The following UBXN6 variants were observed in gnomAD, a reference collection of about 807,000 sequenced individuals.
UBXN6 encodes UBX domain protein 6, also known as UBX domain-containing protein 6.
A neutral mutation model predicts 51.4 loss-of-function variants in UBXN6; 44 were observed. The ratio of observed to expected loss-of-function variants is 0.86; its 90% CI spans 0.67 to 1.10. The LOEUF is 1.10. Among genes scored for constraint, UBXN6 ranks in the 50% least tolerant of loss-of-function variants. UBXN6 has a pLI of 0.00. For missense variants in UBXN6, 672 were observed against 596.1 expected (o/e 1.13, Z -1.32); for synonymous variants, 316 against 263.2 (o/e 1.20, Z -1.94).
chr19:4,453,293 G>T (rs1230099842), intron 3 of UBXN6, among the ~76,000 whole-genome samples, 165 bp downstream of exon 3: 2 of 152,190 alleles, frequency 1.3e-5, no homozygotes, highest in African/African-American at 4.8e-5. Context: ...GAGCCCCGAA[G>T]GTCCCAGACA....
At chr19:4,457,822 A>ATTT, upstream of UBXN6, 1 of 501,584 alleles carries the variant, frequency 2.0e-6, no homozygotes, top group Non-Finnish European at 2.9e-6. Flanking sequence ...AAAAAAAAAA[A>ATTT]ATTTACCTCG....
At chr19:4,447,779 C>A in intron 5 of UBXN6, 154 bp from the exon 6 acceptor site, 1 of 724,642 alleles carries the variant, frequency 1.4e-6, no homozygotes. Flanking sequence ...AGACCATCTC[C>A]GGGTGGAAGG....
In UBXN6 at chr19:4,446,495, C is replaced by T; in HGVS notation, c.920+5G>A. On this transcript the variant is annotated splice_donor_5th_base_variant and intron_variant, in intron 8 of 10. Transcript: ENST00000301281. ...CCCACTCTGCTCCGCGGACGTCAGG[C>T]CCACCTGAGCCTCTGCTCCCGCTTG... The T allele has an allele frequency of 6.2e-7, 1 of 1,604,170 alleles. No individual in the cohort carries two copies. The highest frequency in any genetic ancestry group is 8.5e-7 in the Non-Finnish European group (1 of 1,177,204).
At chr19:4,457,150 G>A (rs1380064057) in intron 1 of UBXN6, among the ~76,000 whole-genome samples, 1 of 151,910 alleles carries the variant, frequency 6.6e-6, no homozygotes, top group Non-Finnish European at 1.5e-5. Flanking sequence ...AATCATCCCG[G>A]CCTCTTCGGC....
intron 10 of UBXN6, 165 bp from the exon 11 acceptor site, chr19:4,445,788 C>T: frequency 8.2e-7 from 1 of 1,219,052 alleles, no homozygotes; most frequent in Admixed American, 2.7e-5. Flanking sequence ...CTCCGGGACT[C>T]CAGGACCTAA....
At chr19:4,456,432 C>G (rs1451341939) in intron 1 of UBXN6, among the ~76,000 whole-genome samples, 1 of 151,746 alleles carries the variant, frequency 6.6e-6, no homozygotes, top group Non-Finnish European at 1.5e-5. Context: ...CCAGCCCCCA[C>G]TCCCTCACAA....
chr19:4,449,847 C>G (rs973336960), intron 4 of UBXN6: 3 of 152,074 alleles, frequency 2.0e-5, no homozygotes, highest in Admixed American at 1.3e-4. Flanking sequence ...TACATCAGCT[C>G]CATCCCACCA....
In UBXN6 at chr19:4,448,333, AC is replaced by A; in HGVS notation, c.523del (p.Val175TrpfsTer68). 2 of 1,608,300 alleles carry A rather than the reference AC, an allele frequency of 1.2e-6. No individual in the cohort carries two copies. The highest frequency in any genetic ancestry group is 1.7e-6 in the Non-Finnish European group (2 of 1,177,964). On this transcript the variant is annotated frameshift_variant, in exon 5 of 11. Coordinates refer to ENST00000301281, the MANE Select transcript of UBXN6 (RefSeq NM_025241.3). LOFTEE classifies it high-confidence loss of function. ...NKDQDRVKLG[V>X]DTIAKYLDNI... ...ACACGCTCACTTGGCAATGGTGTCCACACCCAGCTTCACCCGGTCCTGGTCT... is the reference window on the plus strand; with the variant it reads ...ACACGCTCACTTGGCAATGGTGTCCAACCCAGCTTCACCCGGTCCTGGTCT...
chr19:4,447,112 C>G (rs1974549683), intron 6 of UBXN6, 192 bp from the exon 7 acceptor site: 2 of 612,332 alleles, frequency 3.3e-6, no homozygotes, highest in Non-Finnish European at 5.8e-6. Flanking sequence ...GAGTCTCCAA[C>G]AGCTCTGCAC....
At chr19:4,452,656 ATCCCCGAGTCTTT>A (rs1249069866) in intron 3 of UBXN6, among the ~76,000 whole-genome samples, 164 bp from the exon 4 acceptor site, 1 of 152,176 alleles carries the variant, frequency 6.6e-6, no homozygotes, top group South Asian at 2.1e-4. Context: ...AAGTGACCGG[ATCCCCGAGTCTTT>A]TCCCTGGTAT....
In UBXN6 at chr19:4,446,203, G is replaced by C. The variant is rs749832706; in HGVS notation, c.1052-6C>G. 6.3e-7 allele frequency: 1 copy of C among 1,597,834 alleles called. No homozygotes were observed. The highest frequency in any genetic ancestry group is 8.5e-7 in the Non-Finnish European group (1 of 1,175,372). On this transcript the variant is annotated splice_polypyrimidine_tract_variant and splice_region_variant and intron_variant, in intron 9 of 10. Transcript: ENST00000301281. ...CTCCCGAGCGTAGAAAGTGCCTGGG[G>C]AGTGGGGGAGTCAGAGCGGGTGGGG...
chr19:4,447,959 C>T, intron 5 of UBXN6: 2 of 497,940 alleles, frequency 4.0e-6, no homozygotes, highest in East Asian at 3.6e-5. Context: ...CAGCAGGGGG[C>T]TCCTGCGGGG....
chr19:4,452,124 G>A (rs976778939), intron 4 of UBXN6, among the ~76,000 whole-genome samples: 5 of 151,388 alleles, frequency 3.3e-5, no homozygotes, highest in Admixed American at 1.3e-4. Flanking sequence ...ACTCCAGCCT[G>A]GGTGTCAGAG....
At chr19:4,454,238 C>A in intron 1 of UBXN6, 145 bp from the exon 2 acceptor site, 1 of 858,380 alleles carries the variant, frequency 1.2e-6, no homozygotes, top group South Asian at 1.8e-5. Context: ...CACCTGGTTC[C>A]CAGGGGCCAC....
Position 4,454,129 on chromosome 19 carries a change from C to G in UBXN6, c.84-36G>C. On this transcript the variant is annotated intron_variant, in intron 1 of 10. Coordinates refer to ENST00000301281, the MANE Select transcript of UBXN6 (RefSeq NM_025241.3). ...ACCGAGGGAGAGTGAGTGTATCCTC[C>G]CGAGGTGGCCGGCAAAGCTGACGTG... 3 of 1,489,748 alleles carry G rather than the reference C, an allele frequency of 2.0e-6. No homozygotes were observed. In the African/African-American group the frequency reaches 4.3e-5, roughly 21 times the overall value. 92.3% of individuals were successfully genotyped at this position (1,489,748 alleles called of 1,614,324 possible).
At position 4,454,131 on chromosome 19, in the gene UBXN6, G is replaced by A. The variant is rs369227829; in HGVS notation, c.84-38C>T. On this transcript the variant is annotated intron_variant, in intron 1 of 10. Transcript: ENST00000301281. ...CGAGGGAGAGTGAGTGTATCCTCCC[G>A]AGGTGGCCGGCAAAGCTGACGTGCA... 70 of 1,488,610 alleles carry A rather than the reference G, an allele frequency of 4.7e-5. No individual in the cohort carries two copies. In the South Asian group the frequency reaches 6.1e-4, roughly 13 times the overall value. The allele number at this position is 1,488,610 out of a possible 1,614,324, so 92.2% of individuals were successfully genotyped here.
chr19:4,457,802 A>ATT (rs1335364609), upstream of UBXN6: 533 of 463,590 alleles, frequency 1.1e-3, 23 homozygotes, highest in South Asian at 1.4e-3. Flanking sequence ...AATTAAAAAA[A>ATT]AAAAAAAAAA....
intron 1 of UBXN6, among the ~76,000 whole-genome samples, chr19:4,456,528 G>C (rs1175715147): frequency 6.6e-6 from 1 of 151,334 alleles, no homozygotes; most frequent in South Asian, 2.1e-4. Flanking sequence ...ACCACCCTCT[G>C]GCCAGCCAGC....
intron 1 of UBXN6, among the ~76,000 whole-genome samples, chr19:4,456,139 C>T (rs1974736170): frequency 6.6e-6 from 1 of 151,998 alleles, no homozygotes; most frequent in African/African-American, 2.4e-5. Context: ...CCCCTCTCCG[C>T]CCAGGCTCTG....
Sources: gnomAD v4.1 joint callset for allele counts (sites outside exome capture counted in the v4.1 genomes callset) on GRCh38, gnomAD v4.1.1 for gene constraint, MANE v1.5 for transcripts, NCBI Gene and HGNC (gene_info 2026-07-23, HGNC 2026-07-21) for gene names.